The following CCDC85A variants were observed in gnomAD, a reference collection of about 807,000 sequenced individuals.
The protein encoded by CCDC85A is coiled-coil domain containing 85A.
Under a neutral mutation model 50.2 loss-of-function variants are expected in CCDC85A, and 38 were observed. The ratio of observed to expected loss-of-function variants is 0.76; its 90% confidence interval spans 0.58 to 0.99. The LOEUF is 0.99. Ranked by LOEUF, CCDC85A falls within the 50% of genes least tolerant of loss-of-function variation. The pLI is 0.00. For synonymous variants in CCDC85A, 366 were observed against 301.4 expected, an observed-to-expected ratio of 1.21 and a Z score of -2.22; for missense variants, 820 against 742.0, an observed-to-expected ratio of 1.11 and a Z score of -1.22.
chr2:56,238,437 C>T (rs1669117048), intron 2 of CCDC85A, among the ~76,000 whole-genome samples: 1 of 149,784 alleles, frequency 6.7e-6, no homozygotes, highest in African/African-American at 2.4e-5. Flanking sequence ...AAAAAAGTGG[C>T]ACTCAGCGTT....
rs562352002 is a variant in CCDC85A at position 56,367,727 on chromosome 2, A to G, written c.1318-4617A>G. Among the ~76,000 whole-genome samples the G allele has an allele frequency of 5.3e-5, 8 of 152,238 alleles. No individual in the cohort carries two copies. The East Asian group carries it at 1.4e-3, about 26-fold the overall frequency. On this transcript the variant is annotated intron_variant, in intron 3 of 5. Coordinates refer to ENST00000407595, the MANE Select transcript of CCDC85A (RefSeq NM_001080433.2). Reference sequence around the variant, plus strand: ...ACCCCCGCCCCCAATGAGAACTGACACTCTCAATAATAAACATTCGGACAT... The same window carrying G: ...ACCCCCGCCCCCAATGAGAACTGACGCTCTCAATAATAAACATTCGGACAT...
In CCDC85A at chr2:56,184,484, C is replaced by T. The variant is rs1675904609; in HGVS notation, c.-141C>T. Reference sequence around the variant, plus strand: ...GGCCACCCAGCGCGACCCCCGCCGCCCCAACCCAGCGGCCCCTGGGCGGTG... The same window carrying T: ...GGCCACCCAGCGCGACCCCCGCCGCTCCAACCCAGCGGCCCCTGGGCGGTG... On this transcript the variant is annotated 5_prime_UTR_variant, in exon 1 of 6. Transcript: ENST00000407595. The T allele has an allele frequency of 4.1e-6, 4 of 978,378 alleles. No individual in the cohort carries two copies. The highest frequency in any genetic ancestry group is 5.0e-5 in the South Asian group (1 of 19,838). The allele number at this position is 978,378 out of a possible 1,614,324, so 60.6% of individuals were successfully genotyped here.
intron 2 of CCDC85A, among the ~76,000 whole-genome samples, chr2:56,196,489 CT>C (rs1209515042): frequency 2.0e-5 from 3 of 152,192 alleles, no homozygotes; most frequent in African/African-American, 7.2e-5. Context: ...GTTTCACTTA[CT>C]TGATTCCATT....
chr2:56,216,078 T>A (rs1677382304), intron 2 of CCDC85A, among the ~76,000 whole-genome samples: 1 of 151,930 alleles, frequency 6.6e-6, no homozygotes, highest in South Asian at 2.1e-4. Flanking sequence ...AATACTTATT[T>A]ACTGTCTGGC....
intron 2 of CCDC85A, among the ~76,000 whole-genome samples, chr2:56,321,627 G>A (rs1048513532): frequency 6.6e-5 from 10 of 152,048 alleles, no homozygotes; most frequent in Admixed American, 2.0e-4. Context: ...AAACCACTGT[G>A]CAGTGAAATG....
intron 2 of CCDC85A, among the ~76,000 whole-genome samples, chr2:56,263,547 A>G (rs978091699): frequency 6.6e-6 from 1 of 152,044 alleles, no homozygotes; most frequent in African/African-American, 2.4e-5. Context: ...CTAGCTGTAT[A>G]TTGGGCTGGT....
At chr2:56,331,058 T>C (rs924977967) in intron 2 of CCDC85A, among the ~76,000 whole-genome samples, 1 of 152,108 alleles carries the variant, frequency 6.6e-6, no homozygotes, top group Non-Finnish European at 1.5e-5. Context: ...AAAAAAAGAA[T>C]GAAATCATGT....
intron 2 of CCDC85A, among the ~76,000 whole-genome samples, chr2:56,241,824 C>CT (rs1203241539): frequency 2.6e-5 from 4 of 152,054 alleles, no homozygotes; most frequent in Non-Finnish European, 4.4e-5. Context: ...TACTGATTTC[C>CT]TTTTTTTGGG....
intron 2 of CCDC85A, among the ~76,000 whole-genome samples, chr2:56,303,269 T>C (rs1162135437): frequency 2.6e-5 from 4 of 152,124 alleles, no homozygotes; most frequent in South Asian, 4.1e-4. Flanking sequence ...TAAATAGTTA[T>C]GTTGTAATAT....
rs1676750548 is a variant in CCDC85A at position 56,384,682 on chromosome 2, A to T, written c.*327A>T. 9.3e-6 allele frequency: 2 copies of T among 214,966 alleles called. No homozygotes were observed. The highest frequency in any genetic ancestry group is 2.3e-5 in the African/African-American group (1 of 44,216). The allele number at this position is 214,966 out of a possible 1,614,324, so 13.3% of individuals were successfully genotyped here. A position where few individuals can be genotyped will look rare whatever the true frequency, so the allele number is the denominator to read the frequency against. On this transcript the variant is annotated 3_prime_UTR_variant, in exon 6 of 6. Coordinates refer to ENST00000407595, the MANE Select transcript of CCDC85A (RefSeq NM_001080433.2). ...TTTAACTCCCCAGATATAATATTGTAATTGGGAAACCTGAATAGTTTTAAG... is the reference window on the plus strand; with the variant it reads ...TTTAACTCCCCAGATATAATATTGTTATTGGGAAACCTGAATAGTTTTAAG...
intron 3 of CCDC85A, among the ~76,000 whole-genome samples, chr2:56,369,178 A>G (rs750578514): frequency 1.3e-5 from 2 of 152,250 alleles, no homozygotes; most frequent in African/African-American, 4.8e-5. Flanking sequence ...AAGAAACACG[A>G]CAGTGTAAAA....
At chr2:56,225,798 C>G (rs1406545322) in intron 2 of CCDC85A, among the ~76,000 whole-genome samples, 1 of 152,136 alleles carries the variant, frequency 6.6e-6, no homozygotes, top group African/African-American at 2.4e-5. Flanking sequence ...ACTTGCTTCC[C>G]CCTCTGCATT....
chr2:56,341,531 A>C (rs928414330), intron 2 of CCDC85A, among the ~76,000 whole-genome samples: 1 of 152,172 alleles, frequency 6.6e-6, no homozygotes, highest in Non-Finnish European at 1.5e-5. Flanking sequence ...TTGTTGTGTG[A>C]TGAATGAATT....
chr2:56,183,946 C>A, upstream of CCDC85A: 14 of 985,408 alleles, frequency 1.4e-5, no homozygotes, highest in Non-Finnish European at 1.7e-5. Context: ...ACGGGTGGCC[C>A]CAGCTCCAGG....
intron 2 of CCDC85A, among the ~76,000 whole-genome samples, chr2:56,273,980 AT>A: frequency 6.6e-6 from 1 of 152,338 alleles, no homozygotes; most frequent in East Asian, 1.9e-4. Flanking sequence ...AAAATGATAT[AT>A]AAAAACTAAA....
intron 2 of CCDC85A, among the ~76,000 whole-genome samples, chr2:56,234,771 T>G (rs1861772): frequency 0.37 from 56,966 of 152,030 alleles, 12,266 homozygotes; most frequent in East Asian, 0.58. Context: ...TTCATCTTCC[T>G]TTACCTGAGT....
chr2:56,292,216 G>GGGA (rs1249793595), intron 2 of CCDC85A, among the ~76,000 whole-genome samples: 2 of 152,068 alleles, frequency 1.3e-5, no homozygotes, highest in African/African-American at 4.8e-5. Flanking sequence ...CCGAGTAGCT[G>GGGA]GGACTACAGG....
chr2:56,384,239 TACTC>T (rs752714745), intron 5 of CCDC85A, 23 bp from the exon 6 acceptor site: 16 of 1,588,200 alleles, frequency 1.0e-5, no homozygotes, highest in African/African-American at 1.3e-5. Context: ...AAAAGTAAGA[TACTC>T]ACTCCTTCTT....
chr2:56,199,063 G>A (rs762199520), intron 2 of CCDC85A, among the ~76,000 whole-genome samples: 5 of 151,850 alleles, frequency 3.3e-5, no homozygotes, highest in Non-Finnish European at 7.4e-5. Context: ...AGATATGATA[G>A]AAAAAAAATG....
Sources: allele counts gnomAD v4.1 joint callset (sites outside exome capture counted in the v4.1 genomes callset), GRCh38; gene constraint gnomAD v4.1.1; transcripts MANE v1.5; gene names NCBI Gene and HGNC (gene_info 2026-07-23, HGNC 2026-07-21).